The following PCSK5 variants were observed in gnomAD, a reference collection of about 807,000 sequenced individuals.
PCSK5 encodes the protein proprotein convertase subtilisin/kexin type 5.
Under a neutral mutation model 233.2 loss-of-function variants are expected in PCSK5, and 129 were observed. The ratio of observed to expected loss-of-function variants is 0.55; its 90% CI spans 0.48 to 0.64. The LOEUF is 0.64. Ranked by LOEUF, PCSK5 falls within the 30% of genes least tolerant of loss-of-function variation. The probability of loss-of-function intolerance (pLI) is 0.00; values close to 1 mark genes in which losing one functional copy is unlikely to be tolerated. For synonymous variants in PCSK5, 825 were observed against 879.2 expected, an observed-to-expected ratio of 0.94 and a Z score of 1.09; for missense variants, 2,076 against 2,430.1, an observed-to-expected ratio of 0.85 and a Z score of 3.06.
At chr9:76,013,497 A>G (rs1827819575) in intron 3 of PCSK5, among the ~76,000 whole-genome samples, 1 of 152,220 alleles carries the variant, frequency 6.6e-6, no homozygotes, top group South Asian at 2.1e-4. Context: ...AGTTCTGCAG[A>G]GTCCTGGAAA....
intron 30 of PCSK5, 26 bp downstream of exon 30, chr9:76,310,877 C>G (rs774185937): frequency 7.6e-6 from 11 of 1,450,564 alleles, no homozygotes; most frequent in Non-Finnish European, 9.4e-6. Context: ...AATTTTACTT[C>G]CTGCTTGTAA....
chr9:76,287,059 G>A (rs374667737), intron 24 of PCSK5: 4 of 162,420 alleles, frequency 2.5e-5, no homozygotes, highest in Non-Finnish European at 1.3e-5. Flanking sequence ...CCGGATCACC[G>A]GTGTCTAGTG....
At chr9:76,244,470 G>A (rs1031135073) in intron 24 of PCSK5, among the ~76,000 whole-genome samples, 1 of 151,714 alleles carries the variant, frequency 6.6e-6, no homozygotes, top group African/African-American at 2.4e-5. Flanking sequence ...GCCAGGTCTA[G>A]ACGATCTCTA....
At chr9:76,029,374 G>T (rs1005868639) in intron 5 of PCSK5, among the ~76,000 whole-genome samples, 6 of 151,988 alleles carry the variant, frequency 3.9e-5, no homozygotes, top group Admixed American at 3.3e-4. Flanking sequence ...TTAAATGGAA[G>T]AAAAATAAAA....
chr9:76,183,432 G>A (rs34530537), intron 16 of PCSK5, among the ~76,000 whole-genome samples: 11,137 of 152,214 alleles, frequency 0.073, 564 homozygotes, highest in Admixed American at 0.15. Flanking sequence ...CATTTACAGT[G>A]CTTAATAGTT....
intron 3 of PCSK5, among the ~76,000 whole-genome samples, chr9:76,010,950 G>T (rs1827704712): frequency 6.6e-6 from 1 of 152,096 alleles, no homozygotes; most frequent in Admixed American, 6.5e-5. Flanking sequence ...AAGAGTTTAG[G>T]AGTTACTATA....
chr9:75,935,055 G>A (rs1823989346), intron 2 of PCSK5, among the ~76,000 whole-genome samples: 1 of 151,750 alleles, frequency 6.6e-6, no homozygotes, highest in African/African-American at 2.4e-5. Flanking sequence ...ACACACACAT[G>A]TACACATTTT....
chr9:76,160,353 G>T (rs1368931468), intron 12 of PCSK5, among the ~76,000 whole-genome samples: 2 of 152,188 alleles, frequency 1.3e-5, no homozygotes, highest in African/African-American at 4.8e-5. Flanking sequence ...ACCGGAGAGG[G>T]GAGATGTCAG....
At chr9:76,300,439 C>T (rs1078866) in intron 27 of PCSK5, among the ~76,000 whole-genome samples, 10,242 of 152,186 alleles carry the variant, frequency 0.067, 374 homozygotes, top group Non-Finnish European at 0.078. Context: ...TTGCCCAGAT[C>T]GTTATATACT....
At chr9:76,258,878 C>A (rs1280509866) in intron 24 of PCSK5, among the ~76,000 whole-genome samples, 1 of 152,158 alleles carries the variant, frequency 6.6e-6, no homozygotes, top group Admixed American at 6.5e-5. Context: ...AAGTCAGTAA[C>A]AACTTCACTT....
At chr9:75,928,145 G>A (rs1008344592) in intron 1 of PCSK5, among the ~76,000 whole-genome samples, 3 of 152,186 alleles carry the variant, frequency 2.0e-5, no homozygotes, top group Non-Finnish European at 4.4e-5. Context: ...GAGCTTTAGA[G>A]GGCTAAGAGG....
rs757193715 is a variant in PCSK5, at chr9:76,350,917, A to T, written c.5056A>T (p.Arg1686Ter). The T allele has an allele frequency of 6.3e-7, 1 of 1,588,552 alleles. No homozygotes were observed. Among genetic ancestry groups the T allele is most frequent in the South Asian group, 1.1e-5 (1 of 89,878 alleles). The change falls in exon 36 of 38, where the codon AGA (arginine) becomes TGA (stop). Residue 1686 changes from arginine (R) to a stop codon, truncating the protein, a stop_gained. Transcript: ENST00000674117. LOFTEE classifies it high-confidence loss of function. ...CTCGGACTGTCTTGTGGGGGAATAC[A>T]GAGTGGGAGAGGTATGGAGGGCTGG... ...CTSDCLVGEY[R>*]VGEGEKFNCE...
At chr9:76,171,351 C>T (rs1438862139) in intron 13 of PCSK5, among the ~76,000 whole-genome samples, 1 of 152,190 alleles carries the variant, frequency 6.6e-6, no homozygotes. Context: ...TGGACTCTTA[C>T]AGGACAAGAG....
intron 9 of PCSK5, among the ~76,000 whole-genome samples, chr9:76,122,406 A>C (rs1832676568): frequency 6.6e-6 from 1 of 152,064 alleles, no homozygotes; most frequent in Non-Finnish European, 1.5e-5. Context: ...ATAGACTGTT[A>C]TTTTCTAATG....
At chr9:76,267,390 G>C (rs935947799) in intron 24 of PCSK5, among the ~76,000 whole-genome samples, 1 of 152,188 alleles carries the variant, frequency 6.6e-6, no homozygotes, top group Non-Finnish European at 1.5e-5. Flanking sequence ...ACATTCAGCA[G>C]ATAATTGTTA....
At chr9:76,205,483 G>A (rs2131276589) in intron 20 of PCSK5, among the ~76,000 whole-genome samples, 1 of 152,282 alleles carries the variant, frequency 6.6e-6, no homozygotes, top group South Asian at 2.1e-4. Context: ...GCAGAACTTG[G>A]AGGCCTGAAA....
intron 2 of PCSK5, among the ~76,000 whole-genome samples, chr9:75,974,691 C>T (rs1441883677): frequency 6.6e-6 from 1 of 152,174 alleles, no homozygotes; most frequent in African/African-American, 2.4e-5. Flanking sequence ...AGTCAGAGAC[C>T]TTCCCCCAAG....
rs116059421 is a variant in PCSK5, at chr9:76,066,897, C to T, written c.633-1058C>T. On this transcript the variant is annotated intron_variant, in intron 5 of 37. Coordinates refer to ENST00000674117, the MANE Select transcript of PCSK5 (RefSeq NM_001372043.1). ...TGCTAACTGTGCTACTCTCGATGTA[C>T]CTTTTCGTATCTCTGGTCCTCCTAG... 4.7e-3 allele frequency among the ~76,000 whole-genome samples: 710 copies of T among 152,174 alleles called. 8 individuals carry two copies. The highest frequency in any genetic ancestry group is 0.016 in the African/African-American group (664 of 41,508).
intron 21 of PCSK5, among the ~76,000 whole-genome samples, chr9:76,232,334 A>G (rs1300346151): frequency 1.3e-5 from 2 of 152,220 alleles, no homozygotes; most frequent in East Asian, 1.9e-4. Context: ...GAGCTTGCGT[A>G]TGCTATGTGC....
Sources: allele counts gnomAD v4.1 joint callset (sites outside exome capture counted in the v4.1 genomes callset), GRCh38; gene constraint gnomAD v4.1.1; transcripts MANE v1.5; gene names NCBI Gene and HGNC (gene_info 2026-07-23, HGNC 2026-07-21).